The following ERICH3 variants were observed in gnomAD, a reference collection of about 807,000 sequenced individuals.
ERICH3 encodes glutamate rich 3, also known as glutamate-rich protein 3.
ERICH3 carries 126 observed loss-of-function variants against 131.1 expected under a neutral mutation model. The ratio of observed to expected loss-of-function variants is 0.96; its 90% CI spans 0.83 to 1.11. The LOEUF (loss-of-function observed/expected upper bound fraction) is 1.11. Among genes scored for constraint, ERICH3 ranks in the 50% most tolerant of loss-of-function variants. ERICH3 has a pLI of 0.00. For missense variants in ERICH3, 2,050 were observed against 1,810.7 expected (o/e 1.13, Z -2.40); for synonymous variants, 695 against 644.6 (o/e 1.08, Z -1.18).
intron 7 of ERICH3, among the ~76,000 whole-genome samples, chr1:74,630,991 C>CA (rs1215198375): frequency 6.6e-6 from 1 of 152,002 alleles, no homozygotes; most frequent in Non-Finnish European, 1.5e-5. Context: ...GAGATGTGGA[C>CA]ATGGGGTGAA....
rs2100492947 is a variant in ERICH3, at chr1:74,568,962, C to G, written c.*1496G>C. 1 of 152,194 alleles carries G rather than the reference C, an allele frequency of 6.6e-6. No individual in the cohort carries two copies. The highest frequency in any genetic ancestry group is 3.4e-3 in the Middle Eastern group (1 of 294). The allele number at this position is 152,194 out of a possible 1,614,324, so 9.4% of individuals were successfully genotyped here. On this transcript the variant is annotated 3_prime_UTR_variant, in exon 15 of 15. Transcript: ENST00000326665. ...GGCTGGGAACAATTTCCAGGTGATG[C>G]TGATGTGCTGATGCTTCTGATCAAG...
In ERICH3 at chr1:74,573,495, T is replaced by C. The variant is rs1646998391; in HGVS notation, c.2219-4A>G. On this transcript the variant is annotated splice_region_variant and splice_polypyrimidine_tract_variant and intron_variant, in intron 13 of 14. Coordinates refer to ENST00000326665, the MANE Select transcript of ERICH3 (RefSeq NM_001002912.5). ...ACCATGAAATTCATTGTTGGTGCTA[T>C]AAAAATAAGGTTAGAAATCAAGATT... The C allele has an allele frequency of 1.3e-6, 2 of 1,502,682 alleles. No homozygotes were observed. The highest frequency in any genetic ancestry group is 1.4e-5 in the South Asian group (1 of 71,748). The allele number at this position is 1,502,682 out of a possible 1,614,324, so 93.1% of individuals were successfully genotyped here. A position where few individuals can be genotyped will look rare whatever the true frequency, so the allele number is the denominator to read the frequency against.
chr1:74,647,813 G>A lies in ERICH3; in HGVS notation c.118-1021C>T, dbSNP rs531531747. Among the ~76,000 whole-genome samples the A allele has an allele frequency of 5.3e-5, 8 of 152,180 alleles. No homozygotes were observed. The South Asian group carries it at 1.5e-3, about 28-fold the overall frequency. ...CAACCAGAGTTGTGCTACAAGTGAT[G>A]GCTTATTGATAATCTTTTTTTGTAA... On this transcript the variant is annotated intron_variant, in intron 2 of 14. Transcript: ENST00000326665.
intron 11 of ERICH3, among the ~76,000 whole-genome samples, chr1:74,596,008 G>C (rs906401109): frequency 6.6e-6 from 1 of 151,948 alleles, no homozygotes; most frequent in African/African-American, 2.4e-5. Flanking sequence ...TTCAACACAG[G>C]AGAAGCCTAC....
At position 74,649,237 on chromosome 1, in the gene ERICH3, G is replaced by C. The variant is rs1035092534; in HGVS notation, c.102C>G (p.Leu34=). Residue 34 remains leucine (L), a synonymous_variant, in exon 2 of 15, where the codon CTC becomes CTG. Transcript: ENST00000326665. ...YFNNTRIRRH[L]LRSGLITRSG... Reference sequence around the variant, plus strand: ...CAAAACTTACCAGTCCTGATCTTAAGAGATGACGCCTTATCCTTGTATTGT... The same window carrying C: ...CAAAACTTACCAGTCCTGATCTTAACAGATGACGCCTTATCCTTGTATTGT... The C allele has an allele frequency of 1.2e-6, 2 of 1,610,184 alleles. No homozygotes were observed. The highest frequency in any genetic ancestry group is 1.7e-6 in the Non-Finnish European group (2 of 1,177,764).
rs117862136 is a variant in ERICH3, at chr1:74,576,908, G to C, written c.2205C>G (p.Val735=). The change falls in exon 13 of 15, where the codon GTC becomes GTG. Residue 735 remains valine (V), a synonymous_variant. Coordinates refer to ENST00000326665, the MANE Select transcript of ERICH3 (RefSeq NM_001002912.5). The part of the protein sequence containing the change: ...GGKDSLPLAY[V]LALGAPTMNF... ...TGGAATACTTACCACCAAGAGCCAG[G>C]ACATAGGCTAATGGCAATGAATCCT... is the stretch of plus-strand genomic sequence containing the variant. The C allele has an allele frequency of 1.3e-4, 201 of 1,598,938 alleles. No homozygotes were observed. In the East Asian group the frequency reaches 3.1e-3, roughly 24 times the overall value.
intron 6 of ERICH3, among the ~76,000 whole-genome samples, chr1:74,633,668 A>C (rs2100625890): frequency 6.6e-6 from 1 of 152,144 alleles, no homozygotes; most frequent in Non-Finnish European, 1.5e-5. Context: ...TTAAAACAAT[A>C]CCCTATTACT....
chr1:74,640,136 T>G (rs369961237), intron 5 of ERICH3, among the ~76,000 whole-genome samples: 1 of 152,238 alleles, frequency 6.6e-6, no homozygotes, highest in East Asian at 1.9e-4. Flanking sequence ...AAACTATTTA[T>G]TGAGGGTGTT....
At chr1:74,592,125 A>G (rs1332609769) in intron 11 of ERICH3, 1 of 152,198 alleles carries the variant, frequency 6.6e-6, no homozygotes, top group Non-Finnish European at 1.5e-5. Context: ...GCAGTAAAAA[A>G]CAAACTCAAA....
chr1:74,614,675 TAA>T (rs564728508), intron 8 of ERICH3, among the ~76,000 whole-genome samples: 10 of 108,286 alleles, frequency 9.2e-5, no homozygotes, highest in African/African-American at 1.4e-4. Flanking sequence ...AGACTCCGTC[TAA>T]AAAAAAAAAA....
intron 8 of ERICH3, among the ~76,000 whole-genome samples, chr1:74,619,411 T>C (rs572528648): frequency 6.6e-6 from 1 of 152,346 alleles, no homozygotes; most frequent in South Asian, 2.1e-4. Flanking sequence ...AATTTCAGCA[T>C]TCTCCTAAAT....
chr1:74,663,242 T>A (rs1249008827), intron 1 of ERICH3, among the ~76,000 whole-genome samples: 2 of 152,122 alleles, frequency 1.3e-5, no homozygotes, highest in African/African-American at 2.4e-5. Flanking sequence ...TACTACAGCA[T>A]CTAATTTAAC....
At chr1:74,599,617 C>G in intron 11 of ERICH3, 78 bp downstream of exon 11, 1 of 1,186,464 alleles carries the variant, frequency 8.4e-7, no homozygotes, top group Non-Finnish European at 1.2e-6. Context: ...AGGATTATCT[C>G]ATTAAATAGA....
intron 8 of ERICH3, among the ~76,000 whole-genome samples, chr1:74,616,481 A>T (rs769346097): frequency 1.3e-5 from 2 of 152,192 alleles, no homozygotes; most frequent in Non-Finnish European, 2.9e-5. Flanking sequence ...CAACCTTTTC[A>T]TACATCTCCA....
intron 7 of ERICH3, among the ~76,000 whole-genome samples, chr1:74,626,604 C>A (rs546218914): frequency 6.6e-6 from 1 of 152,198 alleles, no homozygotes; most frequent in South Asian, 2.1e-4. Context: ...AAACTTTCCA[C>A]ATTTTCAGCA....
intron 9 of ERICH3, 112 bp downstream of exon 9, chr1:74,612,511 C>T (rs1199779841): frequency 5.6e-6 from 5 of 893,596 alleles, no homozygotes; most frequent in Non-Finnish European, 4.8e-6. Context: ...ATATTGTAGG[C>T]CCATCTATAC....
intron 11 of ERICH3, among the ~76,000 whole-genome samples, chr1:74,594,022 G>A (rs983830199): frequency 6.6e-6 from 1 of 151,998 alleles, no homozygotes; most frequent in Non-Finnish European, 1.5e-5. Context: ...CATGAAATGT[G>A]TAGTCTGTCC....
chr1:74,653,461 AAGAG>A (rs142308891), intron 1 of ERICH3, among the ~76,000 whole-genome samples: 2 of 150,556 alleles, frequency 1.3e-5, no homozygotes, highest in Non-Finnish European at 3.0e-5. Context: ...AGAGAGGAGA[AAGAG>A]AGAGAGAGAG....
intron 10 of ERICH3, among the ~76,000 whole-genome samples, chr1:74,600,917 C>T (rs1441954281): frequency 1.3e-5 from 2 of 151,078 alleles, no homozygotes; most frequent in African/African-American, 4.9e-5. Flanking sequence ...GGGAGGGGGG[C>T]CTCTCGGGTA....
Sources: gnomAD v4.1 joint callset for allele counts (sites outside exome capture counted in the v4.1 genomes callset) on GRCh38, gnomAD v4.1.1 for gene constraint, MANE v1.5 for transcripts, NCBI Gene and HGNC (gene_info 2026-07-23, HGNC 2026-07-21) for gene names.